Variants in CELSR2 observed in about 807,000 individuals in gnomAD.
CELSR2 encodes the protein cadherin EGF LAG seven-pass G-type receptor 2.
In CELSR2, 81 loss-of-function variants were observed where a neutral mutation model predicts 251.6. That is an observed-to-expected ratio of 0.32 (90% CI 0.27 to 0.39). CELSR2 has a LOEUF of 0.39. CELSR2 is among the 10% of genes least tolerant of loss of function. CELSR2 has a pLI of 1.00. For missense variants in CELSR2, 3,365 were observed against 3,947.7 expected (o/e 0.85, Z 3.96); for synonymous variants, 1,721 against 1,670.5 (o/e 1.03, Z -0.74).
rs1656364276 is a variant in CELSR2, at chr1:109,271,266, A to G, written c.7646A>G (p.Gln2549Arg). Reference sequence around the variant, plus strand: ...GCGGCCCGGGCCTCCTGTGCTGCCCAGCGGCAGGGCTTTGAGAAGAAAGGT... The same window carrying G: ...GCGGCCCGGGCCTCCTGTGCTGCCCGGCGGCAGGGCTTTGAGAAGAAAGGT... ...ILAARASCAA[Q>R]RQGFEKKGPV... The change falls in exon 26 of 34, where the codon CAG becomes CGG. Residue 2549 changes from glutamine (Q) to arginine (R), a missense_variant. Physicochemically the swap from Gln to Arg is conservative, Grantham distance 43 (BLOSUM62 1). Around this residue, in one of 5 missense-constraint regions of CELSR2, gnomAD observed 2,093 missense variants for 2,382.8 expected, o/e 0.88. Coordinates refer to ENST00000271332, the MANE Select transcript of CELSR2 (RefSeq NM_001408.3). 4 of 1,613,900 alleles carry G rather than the reference A, an allele frequency of 2.5e-6. No individual in the cohort carries two copies. Among genetic ancestry groups the G allele is most frequent in the Non-Finnish European group, 2.5e-6 (3 of 1,179,968 alleles).
In CELSR2 at chr1:109,264,320, T is replaced by G. The variant is rs374727373; in HGVS notation, c.5244T>G (p.Pro1748=). 6 of 1,612,770 alleles carry G rather than the reference T, an allele frequency of 3.7e-6. No individual in the cohort carries two copies. The East Asian group carries it at 6.7e-5, about 18-fold the overall frequency. Residue 1748 remains proline, a synonymous_variant, in exon 10 of 34, where the codon CCT becomes CCG. Transcript: ENST00000271332. ...HLSNITVGGI[P]GPAGGVARGF... The stretch of plus-strand genomic sequence containing the variant: ...GCAACATAACAGTGGGCGGAATACC[T>G]GGGCCAGCCGGCGGTGTGGCCCGTG...
chr1:109,270,290 C>G, intron 23 of CELSR2, 136 bp from the exon 24 acceptor site: 1 of 1,280,908 alleles, frequency 7.8e-7, no homozygotes, highest in Non-Finnish European at 1.1e-6. Flanking sequence ...CCCGGGATCC[C>G]CCAGCACCTG....
At chr1:109,272,446 GC>G (rs747164268) in intron 29 of CELSR2, 41 bp downstream of exon 29, 1 of 1,582,064 alleles carries the variant, frequency 6.3e-7, no homozygotes, top group Non-Finnish European at 8.6e-7. Flanking sequence ...GGGAGGAGGG[GC>G]CCACGCATGC....
At chr1:109,272,792 G>A (rs972929663) in intron 30 of CELSR2, 41 bp from the exon 31 acceptor site, 10 of 1,612,870 alleles carry the variant, frequency 6.2e-6, no homozygotes, top group Middle Eastern at 3.3e-4. Flanking sequence ...AAGGTGGGTG[G>A]AGGTGGCTGG....
intron 2 of CELSR2, among the ~76,000 whole-genome samples, chr1:109,259,686 A>T (rs1655965606): frequency 6.6e-6 from 1 of 152,100 alleles, no homozygotes; most frequent in African/African-American, 2.4e-5. Context: ...GACACAGAAG[A>T]GCTGGGGGAA....
Position 109,269,626 on chromosome 1 carries a change from G to C in CELSR2, c.6980+35G>C. On this transcript the variant is annotated intron_variant, in intron 21 of 33. Coordinates refer to ENST00000271332, the MANE Select transcript of CELSR2 (RefSeq NM_001408.3). This position sits in a 1 kb window ranked among gnomAD's most constrained non-coding sequence, Gnocchi z 6.4. ...CACTGCCCTCGCCCCCTCAGGCTTC[G>C]GGCTGAAAGTCCAGGCCCCTGCATG... The C allele has an allele frequency of 1.2e-6, 2 of 1,613,118 alleles. No individual in the cohort carries two copies. Among genetic ancestry groups the C allele is most frequent in the Non-Finnish European group, 1.7e-6 (2 of 1,179,244 alleles).
Position 109,273,419 on chromosome 1 carries a change from C to T in CELSR2, c.8510-17C>T, listed in dbSNP as rs1278013745. The T allele has an allele frequency of 6.2e-7, 1 of 1,608,818 alleles. No homozygotes were observed. The highest frequency in any genetic ancestry group is 1.3e-5 in the African/African-American group (1 of 74,874). On this transcript the variant is annotated splice_polypyrimidine_tract_variant and intron_variant, in intron 32 of 33. Transcript: ENST00000271332. Reference sequence around the variant, plus strand: ...TTCTCCTGTGGCCGCACCTCACAGCCCCGCCCCGGCCCACAGGCATCCTTA... The same window carrying T: ...TTCTCCTGTGGCCGCACCTCACAGCTCCGCCCCGGCCCACAGGCATCCTTA...
At chr1:109,256,452 C>T (rs1388836267) in intron 1 of CELSR2, among the ~76,000 whole-genome samples, 5 of 152,184 alleles carry the variant, frequency 3.3e-5, no homozygotes, top group Non-Finnish European at 7.3e-5. Context: ...GGTCTGCTTT[C>T]AGCCTTCCCG....
At chr1:109,271,358 C>T (rs548696397) in intron 26 of CELSR2, 28 bp from the exon 27 acceptor site, 28 of 1,613,402 alleles carry the variant, frequency 1.7e-5, no homozygotes, top group Admixed American at 1.5e-4. Context: ...GTCTCATGGC[C>T]GGACTCATGG....
intron 9 of CELSR2, 138 bp from the exon 10 acceptor site, chr1:109,263,940 G>A (rs1229953502): frequency 7.1e-7 from 1 of 1,400,156 alleles, no homozygotes; most frequent in East Asian, 2.3e-5. Context: ...TGGGCCTGAG[G>A]GAAATAAATA....
At chr1:109,255,877 G>T (rs1334406405) in intron 1 of CELSR2, among the ~76,000 whole-genome samples, 1 of 152,252 alleles carries the variant, frequency 6.6e-6, no homozygotes, top group Non-Finnish European at 1.5e-5. Context: ...GCCACAGATG[G>T]TGGACCAGAT....
chr1:109,256,863 T>C (rs1275213032), intron 1 of CELSR2, among the ~76,000 whole-genome samples: 1 of 152,192 alleles, frequency 6.6e-6, no homozygotes, highest in African/African-American at 2.4e-5. Context: ...TTTCACCATG[T>C]TGGTCAGTCT....
chr1:109,251,678 T>C lies in CELSR2; in HGVS notation c.1599T>C (p.Asp533=). 2 of 1,614,110 alleles carry C rather than the reference T, an allele frequency of 1.2e-6. No homozygotes were observed. Among genetic ancestry groups the C allele is most frequent in the Non-Finnish European group, 8.5e-7 (1 of 1,180,020 alleles). ...TCCATGTCCAGGCTATCGACGCTGA[T>C]GCTGGTGACAATGCCCGCCTGGAAT... ...LVLHVQAIDA[D]AGDNARLEYR... The change falls in exon 1 of 34, where the codon GAT becomes GAC. Residue 533 remains aspartate (D), a synonymous_variant. Transcript: ENST00000271332. The surrounding 1 kb of genome is among the most constrained non-coding windows in gnomAD (Gnocchi z 4.9).
At position 109,273,616 on chromosome 1, in the gene CELSR2, C is replaced by G; in HGVS notation, c.8690C>G (p.Pro2897Arg). The change falls in exon 33 of 34, where the codon CCC (proline) becomes CGC (arginine). Residue 2897 changes from proline (P) to arginine (R), a missense_variant. Pro to Arg is a moderately radical substitution (Grantham distance 103). Transcript: ENST00000271332. The part of the protein sequence containing the change: ...SLQEQLNGVM[P>R]IAMSIKAGTV... ...CAGGAGCAGCTGAACGGGGTCATGC[C>G]CATCGCCATGAGCATCAAGGCAGGC... 6.5e-7 allele frequency: 1 copy of G among 1,533,740 alleles called. No individual in the cohort carries two copies. Among genetic ancestry groups the G allele is most frequent in the Non-Finnish European group, 8.8e-7 (1 of 1,137,398 alleles).
chr1:109,269,055 G>T lies in CELSR2; in HGVS notation c.6631+47G>T. ...AGTTGGGAGCTGGACCCCAGTGTCT[G>T]TGCAGACTCCACAGAGAGCAGGGCC... is the stretch of plus-strand genomic sequence containing the variant. On this transcript the variant is annotated intron_variant, in intron 19 of 33. Coordinates refer to ENST00000271332, the MANE Select transcript of CELSR2 (RefSeq NM_001408.3). The surrounding 1 kb of genome is among the most constrained non-coding windows in gnomAD (Gnocchi z 6.4). 1.3e-6 allele frequency: 2 copies of T among 1,599,756 alleles called. No individual in the cohort carries two copies. The highest frequency in any genetic ancestry group is 1.7e-6 in the Non-Finnish European group (2 of 1,169,860).
In CELSR2 at chr1:109,272,842, C is replaced by G. The variant is rs762010127; in HGVS notation, c.8153C>G (p.Thr2718Arg). The change falls in exon 31 of 34, where the codon ACG becomes AGG. Residue 2718 changes from threonine (T) to arginine (R), a missense_variant. Around this residue, in one of 5 missense-constraint regions of CELSR2, gnomAD observed 2,093 missense variants for 2,382.8 expected, o/e 0.88. Coordinates refer to ENST00000271332, the MANE Select transcript of CELSR2 (RefSeq NM_001408.3). ...CTCCCTGGCCTCCTAGATCCTGACA[C>G]GGACTCCGACAGTGACCTGTCCTTA... Reference protein sequence around the residue: ...EGQDQQHDPDTDSDSDLSLED... With the variant: ...EGQDQQHDPDRDSDSDLSLED... 1 of 1,612,932 alleles carries G rather than the reference C, an allele frequency of 6.2e-7. No individual in the cohort carries two copies. The highest frequency in any genetic ancestry group is 8.5e-7 in the Non-Finnish European group (1 of 1,179,192).
intron 1 of CELSR2, among the ~76,000 whole-genome samples, chr1:109,257,932 G>A (rs1483040077): frequency 6.6e-6 from 1 of 152,200 alleles, no homozygotes. Context: ...AGGGGGACTA[G>A]GTGGCCCACT....
rs1178451198 is a variant in CELSR2 at position 109,273,425 on chromosome 1, C to A, written c.8510-11C>A. On this transcript the variant is annotated splice_polypyrimidine_tract_variant and intron_variant, in intron 32 of 33. Transcript: ENST00000271332. ...TGTGGCCGCACCTCACAGCCCCGCC[C>A]CGGCCCACAGGCATCCTTAAGAAGA... The A allele has an allele frequency of 1.9e-6, 3 of 1,609,964 alleles. No homozygotes were observed. Among genetic ancestry groups the A allele is most frequent in the African/African-American group, 2.7e-5 (2 of 74,780 alleles).
chr1:109,257,199 A>G (rs1655873120), intron 1 of CELSR2, among the ~76,000 whole-genome samples: 1 of 152,116 alleles, frequency 6.6e-6, no homozygotes, highest in Admixed American at 6.5e-5. Flanking sequence ...ACACACAAAC[A>G]AAAATTAGCC....
Sources: gnomAD v4.1 joint callset for allele counts (sites outside exome capture counted in the v4.1 genomes callset) on GRCh38, gnomAD v4.1.1 for gene constraint, gnomAD v4.1.1 regional missense constraint, Gnocchi (gnomAD v3.1) non-coding constraint, MANE v1.5 for transcripts, NCBI Gene and HGNC (gene_info 2026-07-23, HGNC 2026-07-21) for gene names.